Variants in CDH13 observed in about 807,000 individuals in gnomAD.
The protein encoded by CDH13 is cadherin 13.
CDH13 carries 24 observed loss-of-function variants against 63.8 expected under a neutral mutation model. That is an observed-to-expected ratio of 0.38 (90% CI 0.27 to 0.53). The LOEUF is 0.53. Ranked by LOEUF, CDH13 falls within the 20% of genes least tolerant of loss-of-function variation. CDH13 has a pLI of 0.85. For missense variants in CDH13, 1,049 were observed against 903.1 expected (o/e 1.16, Z -2.07); for synonymous variants, 503 against 355.3 (o/e 1.42, Z -4.67).
At position 83,748,228 on chromosome 16, in the gene CDH13, T is replaced by C; in HGVS notation, c.1659T>C (p.Ala553=). The C allele has an allele frequency of 6.2e-7, 1 of 1,611,668 alleles. No homozygotes were observed. The highest frequency in any genetic ancestry group is 8.5e-7 in the Non-Finnish European group (1 of 1,178,052). Residue 553 remains alanine, a synonymous_variant, in exon 11 of 14, where the codon GCT becomes GCC. Coordinates refer to ENST00000567109, the MANE Select transcript of CDH13 (RefSeq NM_001257.5). ...SPFVDNSVYT[A]LFLAIDSGNP... ...TTGTCGACAACAGCGTGTACACTGCTCTCTTCCTGGCAATTGACAGTGGTG... is the reference window on the plus strand; with the variant it reads ...TTGTCGACAACAGCGTGTACACTGCCCTCTTCCTGGCAATTGACAGTGGTG...
chr16:83,584,596 G>T (rs925182915), intron 7 of CDH13, among the ~76,000 whole-genome samples: 14 of 152,170 alleles, frequency 9.2e-5, no homozygotes, highest in Admixed American at 9.2e-4. Flanking sequence ...AACAGCATCT[G>T]TGAAGAAAGG....
At chr16:83,387,354 C>G (rs917424018) in intron 6 of CDH13, among the ~76,000 whole-genome samples, 1 of 152,078 alleles carries the variant, frequency 6.6e-6, no homozygotes, top group Non-Finnish European at 1.5e-5. Context: ...CAGCAGGTTT[C>G]GGCTCACTTC....
At chr16:83,794,501 C>T (rs984633217) in intron 13 of CDH13, among the ~76,000 whole-genome samples, 7 of 152,122 alleles carry the variant, frequency 4.6e-5, no homozygotes, top group Non-Finnish European at 8.8e-5. Flanking sequence ...TGCAGTGAGC[C>T]AAGATTGTAC....
At chr16:83,663,275 G>A (rs1913609961) in intron 8 of CDH13, among the ~76,000 whole-genome samples, 1 of 152,132 alleles carries the variant, frequency 6.6e-6, no homozygotes, top group Non-Finnish European at 1.5e-5. Flanking sequence ...AGCAGGGACT[G>A]GGGGTAGGTT....
At chr16:82,697,718 G>A (rs973906538) in intron 1 of CDH13, among the ~76,000 whole-genome samples, 10 of 151,592 alleles carry the variant, frequency 6.6e-5, no homozygotes, top group African/African-American at 1.9e-4. Flanking sequence ...GTGAGCCACC[G>A]CACCTGGCTG....
At chr16:83,068,589 C>T (rs191675687) in intron 3 of CDH13, among the ~76,000 whole-genome samples, 1 of 152,166 alleles carries the variant, frequency 6.6e-6, no homozygotes, top group Admixed American at 6.5e-5. Context: ...GCCACCTGAC[C>T]ATTCTTCTGA....
chr16:83,210,451 GA>G (rs2039308051), intron 4 of CDH13, among the ~76,000 whole-genome samples: 1 of 152,136 alleles, frequency 6.6e-6, no homozygotes. Context: ...TAGGACAGGA[GA>G]TGGGATAAAA....
chr16:82,646,460 C>G (rs1158512597), intron 1 of CDH13: 1 of 152,202 alleles, frequency 6.6e-6, no homozygotes, highest in Non-Finnish European at 1.5e-5. Flanking sequence ...TCCCAAAGTG[C>G]TAGGATTACA....
At chr16:83,691,243 A>T (rs1904847965) in intron 10 of CDH13, among the ~76,000 whole-genome samples, 1 of 152,138 alleles carries the variant, frequency 6.6e-6, no homozygotes, top group Admixed American at 6.5e-5. Flanking sequence ...AACTTGTGGG[A>T]GGAAAGTACA....
intron 1 of CDH13, among the ~76,000 whole-genome samples, chr16:82,840,489 C>G (rs2038960336): frequency 6.6e-6 from 1 of 151,580 alleles, no homozygotes; most frequent in African/African-American, 2.4e-5. Context: ...TTGAGACCAG[C>G]CTGACCAACA....
chr16:83,661,034 C>T (rs148463501), intron 8 of CDH13, among the ~76,000 whole-genome samples: 57 of 148,358 alleles, frequency 3.8e-4, no homozygotes, highest in African/African-American at 1.3e-3. Flanking sequence ...TTCAAACTCT[C>T]TTTAGCAGCA....
intron 1 of CDH13, among the ~76,000 whole-genome samples, chr16:82,835,930 G>A (rs1457042108): frequency 6.6e-6 from 1 of 152,146 alleles, no homozygotes; most frequent in Non-Finnish European, 1.5e-5. Context: ...ACAGCTCCAG[G>A]CTCTTGAGGC....
chr16:82,656,966 G>A (rs1482847344), intron 1 of CDH13, among the ~76,000 whole-genome samples: 1 of 139,700 alleles, frequency 7.2e-6, no homozygotes, highest in Non-Finnish European at 1.5e-5. Context: ...TTGTCTGGAT[G>A]TATCACAGTT....
chr16:83,457,682 G>A (rs911940825), intron 6 of CDH13, among the ~76,000 whole-genome samples: 1 of 152,002 alleles, frequency 6.6e-6, no homozygotes, highest in African/African-American at 2.4e-5. Flanking sequence ...GAAAGACAGG[G>A]AACCAGCAGG....
In CDH13 at chr16:83,739,152, A is replaced by G. The variant is rs550032266; in HGVS notation, c.1539-8956A>G. On this transcript the variant is annotated intron_variant, in intron 10 of 13. Transcript: ENST00000567109. The stretch of plus-strand genomic sequence containing the variant: ...CTGATAAGAGTGACTCACTGCACCT[A>G]AACTGCTTGCGCGAACAAATGTGGT... 3.3e-5 allele frequency among the ~76,000 whole-genome samples: 5 copies of G among 152,276 alleles called. No individual in the cohort carries two copies. In the South Asian group the frequency reaches 1.0e-3, roughly 32 times the overall value.
At chr16:83,610,164 G>C (rs73609751) in intron 8 of CDH13, among the ~76,000 whole-genome samples, 10 of 151,868 alleles carry the variant, frequency 6.6e-5, no homozygotes, top group African/African-American at 2.4e-4. Context: ...TGTGAGTAAC[G>C]CTGCTGTGAA....
intron 2 of CDH13, among the ~76,000 whole-genome samples, chr16:82,958,335 C>T (rs891460044): frequency 6.6e-6 from 1 of 152,072 alleles, no homozygotes; most frequent in Non-Finnish European, 1.5e-5. Context: ...GACTTAAATT[C>T]CCCCATTTAA....
intron 8 of CDH13, among the ~76,000 whole-genome samples, chr16:83,633,455 G>A (rs755208783): frequency 2.6e-5 from 4 of 152,218 alleles, no homozygotes; most frequent in South Asian, 2.1e-4. Context: ...ACTCCTCACC[G>A]CTTTCTAACA....
intron 10 of CDH13, among the ~76,000 whole-genome samples, chr16:83,737,415 T>A (rs1911640882): frequency 6.6e-6 from 1 of 152,236 alleles, no homozygotes; most frequent in Non-Finnish European, 1.5e-5. Context: ...TTCACACACA[T>A]GTGCTGTGTG....
Sources: allele counts gnomAD v4.1 joint callset (sites outside exome capture counted in the v4.1 genomes callset), GRCh38; gene constraint gnomAD v4.1.1; transcripts MANE v1.5; gene names NCBI Gene and HGNC (gene_info 2026-07-23, HGNC 2026-07-21).